Variants in MBNL1 observed in about 807,000 individuals in gnomAD.
MBNL1 encodes the protein muscleblind like splicing regulator 1.
MBNL1 carries 8 observed loss-of-function variants against 42.2 expected under a neutral mutation model. That is an observed-to-expected ratio of 0.19 (90% confidence interval 0.11 to 0.34). The LOEUF (loss-of-function observed/expected upper bound fraction) is 0.34. MBNL1 is among the 10% of genes least tolerant of loss of function. MBNL1 has a pLI of 1.00. For missense variants in MBNL1, 309 were observed against 495.3 expected (o/e 0.62, Z 3.57); for synonymous variants, 169 against 173.9 (o/e 0.97, Z 0.22).
intron 2 of MBNL1, among the ~76,000 whole-genome samples, chr3:152,351,787 A>T (rs1274012149): frequency 6.6e-6 from 1 of 152,196 alleles, no homozygotes; most frequent in Non-Finnish European, 1.5e-5. Context: ...GACTTTTAAG[A>T]TATTTAAATG....
intron 2 of MBNL1, among the ~76,000 whole-genome samples, chr3:152,370,827 C>T (rs1184197513): frequency 6.6e-6 from 1 of 150,762 alleles, no homozygotes; most frequent in Non-Finnish European, 1.5e-5. Flanking sequence ...AGGATTGCAA[C>T]CCCTGCTTTT....
chr3:152,371,933 A>G (rs1275651325), intron 2 of MBNL1, among the ~76,000 whole-genome samples: 1 of 152,164 alleles, frequency 6.6e-6, no homozygotes, highest in Non-Finnish European at 1.5e-5. Flanking sequence ...ATTTTCAGGT[A>G]CACCAGTCAA....
Position 152,392,203 on chromosome 3 carries a change from G to A in MBNL1, c.175-22738G>A, listed in dbSNP as rs546761891. ...ACAGAAATCTCCGCAAGAAGTACCT[G>A]AAGATGGGTCTTAATATTTTTTTAA... On this transcript the variant is annotated intron_variant, in intron 2 of 9. Transcript: ENST00000324210. Among the ~76,000 whole-genome samples the A allele has an allele frequency of 3.3e-5, 5 of 152,266 alleles. No homozygotes were observed. In the South Asian group the frequency reaches 1.0e-3, roughly 32 times the overall value.
rs1276651784 is a variant in MBNL1 at position 152,463,210 on chromosome 3, C to CACA, written c.*848_*850dup. ...TTAACTTTACAGTAACAATAGACAG[C>CACA]ACAACACAAACTCTCTCAATACAGA... On this transcript the variant is annotated 3_prime_UTR_variant, in exon 10 of 10. Transcript: ENST00000324210. 1 of 150,138 alleles carries CACA rather than the reference C, an allele frequency of 6.7e-6. No homozygotes were observed. Among genetic ancestry groups the CACA allele is most frequent in the Non-Finnish European group, 1.5e-5 (1 of 67,564 alleles). 9.3% of individuals were successfully genotyped at this position (150,138 alleles called of 1,614,324 possible).
intron 1 of MBNL1, among the ~76,000 whole-genome samples, chr3:152,290,500 A>G (rs2055284754): frequency 6.6e-6 from 1 of 152,056 alleles, no homozygotes; most frequent in African/African-American, 2.4e-5. Flanking sequence ...GATTTCACCA[A>G]TGTATGAGGT....
intron 4 of MBNL1, 66 bp downstream of exon 4, chr3:152,432,986 G>C (rs1421295372): frequency 2.0e-6 from 3 of 1,484,780 alleles, no homozygotes; most frequent in African/African-American, 2.8e-5. Context: ...TTTTTTGTTT[G>C]TTTGTGTGTT....
intron 7 of MBNL1, among the ~76,000 whole-genome samples, chr3:152,455,891 T>C (rs1732676564): frequency 6.6e-6 from 1 of 152,240 alleles, no homozygotes; most frequent in Admixed American, 6.5e-5. Context: ...AAAAATACTT[T>C]CATTCAAACA....
upstream of MBNL1, chr3:152,266,549 A>G (rs1224491666): frequency 1.3e-5 from 2 of 152,232 alleles, no homozygotes; most frequent in Non-Finnish European, 2.9e-5. Context: ...ACAATTGAAA[A>G]TAAATTTCTA....
At chr3:152,279,319 C>G (rs2047059284) in intron 1 of MBNL1, among the ~76,000 whole-genome samples, 2 of 152,220 alleles carry the variant, frequency 1.3e-5, no homozygotes, top group South Asian at 4.1e-4. Context: ...AGCTGGTGAT[C>G]AGCCGAACTG....
intron 2 of MBNL1, among the ~76,000 whole-genome samples, chr3:152,375,753 A>G (rs1370872094): frequency 6.6e-6 from 1 of 151,780 alleles, no homozygotes; most frequent in Non-Finnish European, 1.5e-5. Flanking sequence ...CTGGAGGTTG[A>G]GGCTGCAGTG....
chr3:152,428,508 A>G (rs1392204825), intron 3 of MBNL1, among the ~76,000 whole-genome samples: 3 of 152,230 alleles, frequency 2.0e-5, no homozygotes, highest in Non-Finnish European at 4.4e-5. Flanking sequence ...TTGAAGCACA[A>G]TTAGGAATTA....
intron 2 of MBNL1, among the ~76,000 whole-genome samples, chr3:152,405,234 C>T (rs937350576): frequency 6.6e-6 from 1 of 152,154 alleles, no homozygotes; most frequent in African/African-American, 2.4e-5. Flanking sequence ...GTGGGATACA[C>T]TTGGTACAAA....
intron 2 of MBNL1, among the ~76,000 whole-genome samples, chr3:152,323,555 C>T (rs1049454199): frequency 2.0e-4 from 30 of 152,096 alleles, no homozygotes; most frequent in Non-Finnish European, 2.4e-4. Flanking sequence ...ATAGAGTATA[C>T]TTACACAAAC....
chr3:152,248,814 G>C (rs916966890), intron 2 of MBNL1, among the ~76,000 whole-genome samples: 3 of 146,078 alleles, frequency 2.1e-5, no homozygotes, highest in African/African-American at 7.7e-5. Context: ...TCCCCTTCCT[G>C]TGTCCATGTG....
chr3:152,340,706 G>C, intron 2 of MBNL1: 1 of 1,614,000 alleles, frequency 6.2e-7, no homozygotes, highest in Non-Finnish European at 8.5e-7. Flanking sequence ...ATGTAAACGG[G>C]AGAACTCAAA....
At chr3:152,289,065 A>T (rs1014126557) in intron 1 of MBNL1, among the ~76,000 whole-genome samples, 1 of 151,460 alleles carries the variant, frequency 6.6e-6, no homozygotes, top group South Asian at 2.1e-4. Flanking sequence ...GTGGAAGTAC[A>T]TATTCGTAAA....
At chr3:152,333,482 A>G (rs2152694215) in intron 2 of MBNL1, among the ~76,000 whole-genome samples, 1 of 152,300 alleles carries the variant, frequency 6.6e-6, no homozygotes, top group South Asian at 2.1e-4. Context: ...GAAGAGTTCT[A>G]ACACTTCATC....
chr3:152,417,907 A>G (rs1388174438), intron 3 of MBNL1, among the ~76,000 whole-genome samples: 1 of 152,220 alleles, frequency 6.6e-6, no homozygotes, highest in African/African-American at 2.4e-5. Flanking sequence ...TTGGGTTATT[A>G]TGCAACCAAG....
At chr3:152,332,739 T>TGTGCGCGC (rs1256022678) in intron 2 of MBNL1, among the ~76,000 whole-genome samples, 1,550 of 115,526 alleles carry the variant, frequency 0.013, 12 homozygotes, top group African/African-American at 0.016. Flanking sequence ...TGTGTGTGTG[T>TGTGCGCGC]GCGCGCGCGC....
Sources: allele counts gnomAD v4.1 joint callset (sites outside exome capture counted in the v4.1 genomes callset), GRCh38; gene constraint gnomAD v4.1.1; transcripts MANE v1.5; gene names NCBI Gene and HGNC (gene_info 2026-07-23, HGNC 2026-07-21).